Variants in NAGA observed in about 807,000 individuals in gnomAD.
The protein encoded by NAGA is Acetylgalactosaminidase, alpha-N- (alpha-galactosidase B).
In NAGA, 42 loss-of-function variants were observed where a neutral mutation model predicts 45.6. The observed-to-expected ratio is 0.92, with a 90% CI of 0.72 to 1.19. NAGA has a LOEUF of 1.19. Among genes scored for constraint, NAGA ranks in the 50% most tolerant of loss-of-function variants. The pLI, the probability that NAGA is intolerant of heterozygous loss-of-function variation, is 0.00. For missense variants in NAGA, 493 were observed against 544.8 expected, an observed-to-expected ratio of 0.90 and a Z score of 0.95; for synonymous variants, 176 against 203.1, an observed-to-expected ratio of 0.87 and a Z score of 1.13.
At chr22:42,066,031 G>A (rs757713387) in intron 5 of NAGA, 132 bp from the exon 6 acceptor site, 2 of 1,214,988 alleles carry the variant, frequency 1.6e-6, no homozygotes, top group Non-Finnish European at 2.3e-6. Flanking sequence ...GGCCCCACCG[G>A]CTTGCTCAGG....
rs965737842 is a variant in NAGA at position 42,059,924 on chromosome 22, A to T, written c.*355T>A. ...CAAGAGGTCAGATCTCTCTACTCCTAATTCGAAAACTTCCAAATCCTGATT... is the reference window on the plus strand; with the variant it reads ...CAAGAGGTCAGATCTCTCTACTCCTTATTCGAAAACTTCCAAATCCTGATT... On this transcript the variant is annotated 3_prime_UTR_variant, in exon 9 of 9. Transcript: ENST00000396398. 2 of 340,080 alleles carry T rather than the reference A, an allele frequency of 5.9e-6. No homozygotes were observed. The highest frequency in any genetic ancestry group is 7.7e-5 in the Admixed American group (2 of 25,964). The allele number at this position is 340,080 out of a possible 1,614,324, so 21.1% of individuals were successfully genotyped here. A position where few individuals can be genotyped will look rare whatever the true frequency, so the allele number is the denominator to read the frequency against.
intron 1 of NAGA, among the ~76,000 whole-genome samples, chr22:42,070,019 G>T (rs1006703213): frequency 2.0e-5 from 3 of 152,250 alleles, no homozygotes; most frequent in East Asian, 3.8e-4. Flanking sequence ...TTACTGTAGG[G>T]ACTGTACAGG....
At position 42,067,653 on chromosome 22, in the gene NAGA, G is replaced by A. The variant is rs546111882; in HGVS notation, c.324+112C>T. On this transcript the variant is annotated intron_variant, in intron 3 of 8. Transcript: ENST00000396398. ...GCCAAAAGTCGGTGTTCATTTGTCTGTTTCCCCCACTAGACTGTGAGATCT... is the reference window on the plus strand; with the variant it reads ...GCCAAAAGTCGGTGTTCATTTGTCTATTTCCCCCACTAGACTGTGAGATCT... 7.4e-4 allele frequency: 706 copies of A among 951,094 alleles called. 14 individuals carry two copies. The South Asian group carries it at 0.01, about 14-fold the overall frequency. The allele number at this position is 951,094 out of a possible 1,614,324, so 58.9% of individuals were successfully genotyped here.
intron 6 of NAGA, 64 bp from the exon 7 acceptor site, chr22:42,063,088 C>T: frequency 1.3e-6 from 2 of 1,515,882 alleles, no homozygotes; most frequent in Non-Finnish European, 1.8e-6. Context: ...CAGGGACCAT[C>T]CCCAAACTTG....
chr22:42,070,042 C>T (rs1926962050), intron 1 of NAGA, among the ~76,000 whole-genome samples: 1 of 152,212 alleles, frequency 6.6e-6, no homozygotes, highest in African/African-American at 2.4e-5. Flanking sequence ...GTTCTCCGCA[C>T]ATGCTGATAT....
In NAGA at chr22:42,060,175, G is replaced by C; in HGVS notation, c.*104C>G. 1.4e-6 allele frequency: 2 copies of C among 1,468,970 alleles called. No homozygotes were observed. The highest frequency in any genetic ancestry group is 2.3e-5 in the South Asian group (2 of 87,542). The allele number at this position is 1,468,970 out of a possible 1,614,324, so 91.0% of individuals were successfully genotyped here. A position where few individuals can be genotyped will look rare whatever the true frequency, so the allele number is the denominator to read the frequency against. On this transcript the variant is annotated 3_prime_UTR_variant, in exon 9 of 9. Coordinates refer to ENST00000396398, the MANE Select transcript of NAGA (RefSeq NM_000262.3). ...TGGGTATGATGGGGTCAGTCACCGA[G>C]CAGGCCTGGGGAGCAGAGAACCTCC...
intron 1 of NAGA, among the ~76,000 whole-genome samples, chr22:42,069,391 G>A (rs1926921840): frequency 6.6e-6 from 1 of 152,138 alleles, no homozygotes; most frequent in African/African-American, 2.4e-5. Context: ...GAGGTGGGCG[G>A]ATCACCGTAA....
chr22:42,067,649 G>T (rs1926820566), intron 3 of NAGA, 116 bp downstream of exon 3: 3 of 908,378 alleles, frequency 3.3e-6, no homozygotes, highest in Non-Finnish European at 3.4e-6. Context: ...GTGTTCATTT[G>T]TCTGTTTCCC....
At position 42,060,906 on chromosome 22, in the gene NAGA, A is replaced by T; in HGVS notation, c.1101+18T>A. The T allele has an allele frequency of 3.7e-6, 6 of 1,614,088 alleles. No individual in the cohort carries two copies. Among genetic ancestry groups the T allele is most frequent in the Non-Finnish European group, 5.1e-6 (6 of 1,179,982 alleles). On this transcript the variant is annotated intron_variant, in intron 8 of 8. Coordinates refer to ENST00000396398, the MANE Select transcript of NAGA (RefSeq NM_000262.3). Reference sequence around the variant, plus strand: ...ATCTGAAGCCCAGGCGGGTGGCTGCAGGCAGCCGGGTGCTCACCTCATATA... The same window carrying T: ...ATCTGAAGCCCAGGCGGGTGGCTGCTGGCAGCCGGGTGCTCACCTCATATA...
intron 1 of NAGA, 143 bp downstream of exon 1, chr22:42,070,139 G>A: frequency 1.0e-6 from 1 of 959,260 alleles, no homozygotes; most frequent in Non-Finnish European, 1.7e-6. Context: ...GTATGGGGAA[G>A]CATCTCCTCC....
rs370826068 is a variant in NAGA, at chr22:42,067,295, G to C, written c.325-5C>G. 1.9e-6 allele frequency: 3 copies of C among 1,613,848 alleles called. No homozygotes were observed. The highest frequency in any genetic ancestry group is 2.7e-5 in the African/African-American group (2 of 74,898). The stretch of plus-strand genomic sequence containing the variant: ...CTTCAGGCCCAGGGAGTGAACCTGT[G>C]GGGGTTTGAGGACACAGTGGGCTCA... On this transcript the variant is annotated splice_region_variant and splice_polypyrimidine_tract_variant and intron_variant, in intron 3 of 8. Coordinates refer to ENST00000396398, the MANE Select transcript of NAGA (RefSeq NM_000262.3).
At chr22:42,064,264 TG>T (rs1186742693) in intron 6 of NAGA, among the ~76,000 whole-genome samples, 2 of 149,648 alleles carry the variant, frequency 1.3e-5, no homozygotes, top group Non-Finnish European at 3.0e-5. Flanking sequence ...CGCTTGAACC[TG>T]GGAGGCGGAG....
chr22:42,065,116 C>G (rs1338543941), intron 6 of NAGA, among the ~76,000 whole-genome samples: 1 of 152,226 alleles, frequency 6.6e-6, no homozygotes, highest in Non-Finnish European at 1.5e-5. Context: ...AGCTGGGACT[C>G]CACAGCAGGC....
chr22:42,067,712 T>C, intron 3 of NAGA, 53 bp downstream of exon 3: 1 of 1,500,654 alleles, frequency 6.7e-7, no homozygotes, highest in South Asian at 1.1e-5. Context: ...CGAGGTAGGG[T>C]GAAAGGAGTG....
At chr22:42,065,244 A>G (rs1296388921) in intron 6 of NAGA, among the ~76,000 whole-genome samples, 1 of 152,232 alleles carries the variant, frequency 6.6e-6, no homozygotes, top group African/African-American at 2.4e-5. Flanking sequence ...CTATAAAGCT[A>G]TAAATTGCAA....
Position 42,058,384 on chromosome 22 carries a change from G to A in NAGA, c.*1895C>T, listed in dbSNP as rs1926174456. On this transcript the variant is annotated 3_prime_UTR_variant, in exon 9 of 9. Transcript: ENST00000396398. ...TACTGGAGCTGGATGCTGGGTACAT[G>A]GAGGTTCACTCTACCATTTTATTTT... The A allele has an allele frequency of 6.6e-6, 1 of 152,042 alleles. No individual in the cohort carries two copies. The highest frequency in any genetic ancestry group is 1.5e-5 in the Non-Finnish European group (1 of 68,016). 9.4% of individuals were successfully genotyped at this position (152,042 alleles called of 1,614,324 possible). A position where few individuals can be genotyped will look rare whatever the true frequency, so the allele number is the denominator to read the frequency against.
At chr22:42,063,138 T>A in intron 6 of NAGA, 114 bp from the exon 7 acceptor site, 1 of 1,099,004 alleles carries the variant, frequency 9.1e-7, no homozygotes, top group Non-Finnish European at 1.3e-6. Context: ...GAAAGATGGC[T>A]GTATGTGGAG....
chr22:42,068,659 A>G (rs1243831016), intron 1 of NAGA, 85 bp from the exon 2 acceptor site: 4 of 1,547,518 alleles, frequency 2.6e-6, no homozygotes, highest in Non-Finnish European at 3.5e-6. Context: ...TATGTTGCTC[A>G]GCCCTACAGA....
chr22:42,061,282 G>A (rs1410624041), intron 7 of NAGA, among the ~76,000 whole-genome samples: 1 of 152,224 alleles, frequency 6.6e-6, no homozygotes, highest in Admixed American at 6.5e-5. Context: ...CCTACTCTGA[G>A]CCCGGCCCCT....
Sources: gnomAD v4.1 joint callset for allele counts (sites outside exome capture counted in the v4.1 genomes callset) on GRCh38, gnomAD v4.1.1 for gene constraint, MANE v1.5 for transcripts, NCBI Gene and HGNC (gene_info 2026-07-23, HGNC 2026-07-21) for gene names.